GLT8D2: variants seen among roughly 807,000 people sequenced by gnomAD.
GLT8D2 encodes the protein glycosyltransferase 8 domain-containing protein 2.
GLT8D2 carries 45 observed loss-of-function variants against 44.5 expected under a neutral mutation model. That is an observed-to-expected ratio of 1.01 (90% CI 0.80 to 1.30). The LOEUF is 1.30. GLT8D2 is among the 50% of genes most tolerant of loss of function. The pLI, the probability that GLT8D2 is intolerant of heterozygous loss-of-function variation, is 0.00. For synonymous variants in GLT8D2, 156 were observed against 157.2 expected (o/e 0.99, Z 0.06); for missense variants, 400 against 430.4 (o/e 0.93, Z 0.62).
intron 8 of GLT8D2, 96 bp downstream of exon 8, chr12:103,996,639 T>C (rs1238635608): frequency 1.2e-6 from 1 of 848,160 alleles, no homozygotes; most frequent in Non-Finnish European, 1.9e-6. Context: ...ATAAGGTTTT[T>C]GAGGTGGAGG....
At chr12:104,057,407 A>C (rs568701120) in intron 1 of GLT8D2, among the ~76,000 whole-genome samples, 1 of 152,162 alleles carries the variant, frequency 6.6e-6, no homozygotes, top group Non-Finnish European at 1.5e-5. Context: ...TATGGTCCCA[A>C]CTACTCAGAA....
At chr12:104,046,090 A>G (rs1051168054) in intron 1 of GLT8D2, among the ~76,000 whole-genome samples, 1 of 152,182 alleles carries the variant, frequency 6.6e-6, no homozygotes, top group Admixed American at 6.5e-5. Flanking sequence ...GTACTGTTGA[A>G]TGACTTAAAT....
At chr12:104,003,373 C>T in intron 4 of GLT8D2, 67 bp from the exon 5 acceptor site, 1 of 1,346,580 alleles carries the variant, frequency 7.4e-7, no homozygotes, top group East Asian at 2.3e-5. Flanking sequence ...TTTAATGCAT[C>T]TTCCATACTC....
intron 1 of GLT8D2, chr12:104,031,386 A>C: frequency 6.2e-7 from 1 of 1,609,106 alleles, no homozygotes; most frequent in Non-Finnish European, 8.5e-7. Context: ...CTCTCTGAAG[A>C]GGCTATCATG....
At chr12:104,060,992 A>G (rs1882598751) in intron 1 of GLT8D2, among the ~76,000 whole-genome samples, 1 of 152,126 alleles carries the variant, frequency 6.6e-6, no homozygotes, top group African/African-American at 2.4e-5. Context: ...ATGGAGTCAG[A>G]GACTGGAGTG....
chr12:104,001,919 G>A (rs73177956), intron 5 of GLT8D2, among the ~76,000 whole-genome samples: 9,295 of 152,102 alleles, frequency 0.061, 472 homozygotes, highest in East Asian at 0.22. Context: ...GACCAGGCTG[G>A]TCTCAAATTC....
At position 104,002,254 on chromosome 12, in the gene GLT8D2, C is replaced by T. The variant is rs191901131; in HGVS notation, c.284+881G>A. 1.8e-3 allele frequency among the ~76,000 whole-genome samples: 268 copies of T among 152,306 alleles called. 1 individual carries two copies. The highest frequency in any genetic ancestry group is 6.3e-3 in the African/African-American group (260 of 41,578). ...AAATATAGGAGTGAGCCACCTCACC[C>T]AGCCTACAACACCTTTTCATGTTTA... On this transcript the variant is annotated intron_variant, in intron 5 of 10. Transcript: ENST00000360814.
chr12:103,989,575 A>C lies in GLT8D2; in HGVS notation c.883T>G (p.Trp295Gly), dbSNP rs1375921327. Reference protein sequence around the residue: ...NPLWHIRHLGWNPDARYSEHF... With the variant: ...NPLWHIRHLGGNPDARYSEHF... ...TCCGAATATCTGGCATCTGGATTCC[A>C]GCCTTCATTGTGTATAGAGAAAAAA... The change falls in exon 11 of 11, where the codon TGG (tryptophan) becomes GGG (glycine). Residue 295 changes from tryptophan (W) to glycine (G), a missense_variant and splice_region_variant. Trp to Gly is a radical substitution (Grantham distance 184, BLOSUM62 -2). Transcript: ENST00000360814. 2 of 1,611,570 alleles carry C rather than the reference A, an allele frequency of 1.2e-6. No homozygotes were observed. Among genetic ancestry groups the C allele is most frequent in the Non-Finnish European group, 1.7e-6 (2 of 1,178,846 alleles).
intron 1 of GLT8D2, among the ~76,000 whole-genome samples, chr12:104,034,216 C>T (rs574128608): frequency 2.6e-5 from 4 of 152,294 alleles, no homozygotes; most frequent in South Asian, 2.1e-4. Context: ...CAGCTCCCAG[C>T]GTGATTGATG....
intron 1 of GLT8D2, among the ~76,000 whole-genome samples, chr12:104,029,243 T>C (rs1407056205): frequency 6.6e-6 from 1 of 152,132 alleles, no homozygotes; most frequent in African/African-American, 2.4e-5. Context: ...TGAGCCGAGA[T>C]TGCACCACTG....
chr12:104,032,491 A>AAAAAAAAAAAAAAAAAAAAAC, intron 1 of GLT8D2, among the ~76,000 whole-genome samples: 1 of 133,588 alleles, frequency 7.5e-6, no homozygotes, highest in South Asian at 2.3e-4. Context: ...AAAAAAAAAA[A>AAAAAAAAAAAAAAAAAAAAAC]TAGGCAAAGG....
chr12:104,028,584 A>G (rs779176202), intron 1 of GLT8D2, among the ~76,000 whole-genome samples: 2 of 152,036 alleles, frequency 1.3e-5, no homozygotes, highest in Non-Finnish European at 2.9e-5. Flanking sequence ...CCATATAAGA[A>G]CCCCTTCCCT....
intron 1 of GLT8D2, among the ~76,000 whole-genome samples, chr12:104,021,942 GAAGAAGAA>G (rs1566202492): frequency 0.033 from 863 of 26,030 alleles, 73 homozygotes; most frequent in East Asian, 0.13. Context: ...AGAAGAAGAA[GAAGAAGAA>G]GAAGAGGAAG....
chr12:104,011,478 T>G (rs1467195733), intron 4 of GLT8D2, among the ~76,000 whole-genome samples: 1 of 152,182 alleles, frequency 6.6e-6, no homozygotes, highest in Non-Finnish European at 1.5e-5. Context: ...AAATAAGGAT[T>G]GTTTTAGCCA....
chr12:104,004,434 CA>C (rs1874686142), intron 4 of GLT8D2, among the ~76,000 whole-genome samples: 1 of 152,156 alleles, frequency 6.6e-6, no homozygotes, highest in Admixed American at 6.5e-5. Flanking sequence ...AAGAGGAAGT[CA>C]AACTGTCCCT....
chr12:104,044,090 CA>C (rs781646890), intron 1 of GLT8D2, among the ~76,000 whole-genome samples: 1 of 152,170 alleles, frequency 6.6e-6, no homozygotes, highest in Non-Finnish European at 1.5e-5. Context: ...AAAGTCATTA[CA>C]GCATCCTTCC....
intron 6 of GLT8D2, among the ~76,000 whole-genome samples, chr12:103,998,080 G>T (rs60873227): frequency 0.041 from 6,210 of 152,128 alleles, 450 homozygotes; most frequent in African/African-American, 0.14. Context: ...CGAAGTCATG[G>T]CTTGTACTCT....
At chr12:103,997,081 A>G (rs1873525597) in intron 7 of GLT8D2, among the ~76,000 whole-genome samples, 1 of 152,234 alleles carries the variant, frequency 6.6e-6, no homozygotes, top group Non-Finnish European at 1.5e-5. Flanking sequence ...TGCTAAGTAG[A>G]TACCACACCA....
At chr12:104,009,868 A>G (rs770732760) in intron 4 of GLT8D2, among the ~76,000 whole-genome samples, 7 of 152,164 alleles carry the variant, frequency 4.6e-5, no homozygotes, top group Non-Finnish European at 1.0e-4. Context: ...GCCATGTAAG[A>G]AGTGCCTTTC....
Sources: allele counts gnomAD v4.1 joint callset (sites outside exome capture counted in the v4.1 genomes callset), GRCh38; gene constraint gnomAD v4.1.1; transcripts MANE v1.5; gene names NCBI Gene and HGNC (gene_info 2026-07-23, HGNC 2026-07-21).